The following ABCC6 variants were observed in gnomAD, a reference collection of about 807,000 sequenced individuals.
ABCC6 encodes the protein ATP-binding cassette sub-family C member 6.
A neutral mutation model predicts 169.5 loss-of-function variants in ABCC6; 126 were observed. That is an observed-to-expected ratio of 0.74 (90% confidence interval 0.64 to 0.86). The LOEUF (loss-of-function observed/expected upper bound fraction) is 0.86, where lower values mean the gene tolerates loss of function less well. Among genes scored for constraint, ABCC6 ranks in the 40% least tolerant of loss-of-function variants. The probability of loss-of-function intolerance (pLI) is 0.00; values close to 1 mark genes in which losing one functional copy is unlikely to be tolerated. For missense variants in ABCC6, 1,733 were observed against 1,927.2 expected, an observed-to-expected ratio of 0.90 and a Z score of 1.89; for synonymous variants, 752 against 814.7, an observed-to-expected ratio of 0.92 and a Z score of 1.31.
At chr16:16,154,477 A>G in intron 29 of ABCC6, 151 bp downstream of exon 29, 1 of 1,014,156 alleles carries the variant, frequency 9.9e-7, no homozygotes, top group Non-Finnish European at 1.4e-6. Context: ...ACTGTGTCAG[A>G]GCTTGGAATT....
At chr16:16,159,355 G>A in intron 26 of ABCC6, 127 bp downstream of exon 26, 1 of 894,430 alleles carries the variant, frequency 1.1e-6, no homozygotes. Context: ...ACCTATAGTG[G>A]TGGGGGTTGA....
intron 8 of ABCC6, among the ~76,000 whole-genome samples, chr16:16,202,827 A>G (rs2048286455): frequency 6.6e-6 from 1 of 152,224 alleles, no homozygotes; most frequent in African/African-American, 2.4e-5. Context: ...ACACCACTTG[A>G]ATCTGGGCTG....
Position 16,154,857 on chromosome 16 carries a change from C to T in ABCC6, c.4041+16G>A, listed in dbSNP as rs200252305. 2 of 1,611,678 alleles carry T rather than the reference C, an allele frequency of 1.2e-6. No homozygotes were observed. The highest frequency in any genetic ancestry group is 1.3e-5 in the African/African-American group (1 of 74,972). ...CCATGCCTCCCATCTTTGCCCACCC[C>T]CTCCACCAGCCTCACCTGGGGGATG... On this transcript the variant is annotated intron_variant, in intron 28 of 30. Transcript: ENST00000205557.
rs370805624 is a variant in ABCC6 at position 16,165,875 on chromosome 16, C to T, written c.3054G>A (p.Arg1018=). The change falls in exon 23 of 31, where the codon AGG becomes AGA. Residue 1018 remains arginine, a synonymous_variant. Transcript: ENST00000205557. ...AVLLGGARAS[R]LLFQRLLWDV... is the part of the protein sequence containing the mutation. ...CCCACAGGAGCCTCTGGAAGAGCAA[C>T]CTGGATGCCCGGGCCCCACCTAGGA... 1.1e-5 allele frequency: 18 copies of T among 1,613,236 alleles called. No individual in the cohort carries two copies. The highest frequency in any genetic ancestry group is 1.1e-4 in the South Asian group (10 of 91,080).
chr16:16,167,394 C>A, intron 22 of ABCC6, among the ~76,000 whole-genome samples: 1 of 152,154 alleles, frequency 6.6e-6, no homozygotes, highest in Non-Finnish European at 1.5e-5. Context: ...TCCAGCCATA[C>A]CTGAAGCCAG....
chr16:16,149,717 A>G lies in ABCC6; in HGVS notation c.*416T>C, dbSNP rs952592431. The G allele has an allele frequency of 1.2e-5, 4 of 344,274 alleles. No individual in the cohort carries two copies. Among genetic ancestry groups the G allele is most frequent in the Non-Finnish European group, 2.2e-5 (4 of 183,122 alleles). 21.3% of individuals were successfully genotyped at this position (344,274 alleles called of 1,614,324 possible). ...TCTATATTATTGTTTCTTTAACTGC[A>G]TGTGAGTCTGGGATTATCCCAAAAT... is the stretch of plus-strand genomic sequence containing the variant. On this transcript the variant is annotated 3_prime_UTR_variant, in exon 31 of 31. Coordinates refer to ENST00000205557, the MANE Select transcript of ABCC6 (RefSeq NM_001171.6).
In ABCC6 at chr16:16,150,792, T is replaced by A. The variant is rs1419756995; in HGVS notation, c.4209-20A>T. The A allele has an allele frequency of 6.2e-7, 1 of 1,612,310 alleles. No individual in the cohort carries two copies. Among genetic ancestry groups the A allele is most frequent in the Admixed American group, 1.7e-5 (1 of 59,802 alleles). On this transcript the variant is annotated intron_variant, in intron 29 of 30. Transcript: ENST00000205557. ...CCCACGCTGGGAACGATTGGGACAATTAGCTGGGACGTGCGTTTGTCGGCA... is the reference window on the plus strand; with the variant it reads ...CCCACGCTGGGAACGATTGGGACAAATAGCTGGGACGTGCGTTTGTCGGCA...
In ABCC6 at chr16:16,195,303, A is replaced by ATT. The variant is rs61393724; in HGVS notation, c.1339-2383_1339-2382dup. ...ATGGATATCTTGTTGGTCTCATCTA[A>ATT]TTTTTTTTTTTTTTTTTTTTTTTTT... On this transcript the variant is annotated intron_variant, in intron 10 of 30. Transcript: ENST00000205557. 3.7e-3 allele frequency among the ~76,000 whole-genome samples: 361 copies of ATT among 96,600 alleles called. 10 individuals are homozygous for ATT. Among genetic ancestry groups the ATT allele is most frequent in the African/African-American group, 0.011 (280 of 25,812 alleles). The allele number at this position is 96,600 out of a possible 152,430, so 63.4% of individuals were successfully genotyped here. A position where few individuals can be genotyped will look rare whatever the true frequency, so the allele number is the denominator to read the frequency against.
At chr16:16,212,948 C>T (rs1221770524) in intron 5 of ABCC6, among the ~76,000 whole-genome samples, 1 of 152,090 alleles carries the variant, frequency 6.6e-6, no homozygotes, top group Non-Finnish European at 1.5e-5. Context: ...TACTCTTTAC[C>T]AATAAGGCGT....
intron 10 of ABCC6, among the ~76,000 whole-genome samples, chr16:16,197,511 G>A (rs893961912): frequency 6.6e-6 from 1 of 150,922 alleles, no homozygotes; most frequent in African/African-American, 2.4e-5. Flanking sequence ...AGAGAGGGAG[G>A]ACGGTAGAGG....
At chr16:16,216,439 A>G (rs2048878254) in intron 4 of ABCC6, among the ~76,000 whole-genome samples, 1 of 149,582 alleles carries the variant, frequency 6.7e-6, no homozygotes, top group Admixed American at 6.7e-5. Context: ...ATAAGTGAGA[A>G]TATGTAAAGT....
chr16:16,187,041 G>GATGCTGGCTT (rs2152266171), intron 14 of ABCC6, 83 bp downstream of exon 14: 1 of 1,243,902 alleles, frequency 8.0e-7, no homozygotes. Context: ...CCCCAGTACT[G>GATGCTGGCTT]ATGCTGGCTT....
intron 22 of ABCC6, among the ~76,000 whole-genome samples, chr16:16,168,838 T>C (rs1737602036): frequency 1.3e-5 from 2 of 152,088 alleles, no homozygotes; most frequent in Admixed American, 6.5e-5. Context: ...CCCAACACTC[T>C]GGGAGGCCGA....
intron 24 of ABCC6, 38 bp from the exon 25 acceptor site, chr16:16,161,602 T>C: frequency 6.2e-7 from 1 of 1,613,370 alleles, no homozygotes; most frequent in Non-Finnish European, 8.5e-7. Context: ...GTGGTTACTC[T>C]CATCTGCAGG....
At chr16:16,221,234 T>A in intron 2 of ABCC6, 1 of 1,058,196 alleles carries the variant, frequency 9.5e-7, no homozygotes, top group Non-Finnish European at 1.2e-6. Context: ...GGTAAATACA[T>A]ATCACATATA....
At chr16:16,150,852 C>G in intron 29 of ABCC6, 80 bp from the exon 30 acceptor site, 1 of 1,565,136 alleles carries the variant, frequency 6.4e-7, no homozygotes, top group Non-Finnish European at 8.7e-7. Flanking sequence ...GAAACAGGTC[C>G]CTGAAGCAGT....
chr16:16,197,082 T>C (rs754646639), intron 10 of ABCC6, among the ~76,000 whole-genome samples: 12 of 152,260 alleles, frequency 7.9e-5, no homozygotes, highest in Non-Finnish European at 1.5e-4. Context: ...TTGTTTTGTT[T>C]GGTTGTTTCC....
At chr16:16,212,335 G>A in intron 5 of ABCC6, 89 bp from the exon 6 acceptor site, 1 of 1,041,384 alleles carries the variant, frequency 9.6e-7, no homozygotes, top group Non-Finnish European at 1.5e-6. Context: ...TCGAGACAGG[G>A]TTTCGCTCTG....
intron 23 of ABCC6, among the ~76,000 whole-genome samples, chr16:16,164,471 A>G (rs1018730360): frequency 6.6e-6 from 1 of 152,152 alleles, no homozygotes; most frequent in Non-Finnish European, 1.5e-5. Context: ...AGAATCTACT[A>G]TCCATTCAGT....
Sources: allele counts gnomAD v4.1 joint callset (sites outside exome capture counted in the v4.1 genomes callset), GRCh38; gene constraint gnomAD v4.1.1; transcripts MANE v1.5; gene names NCBI Gene and HGNC (gene_info 2026-07-23, HGNC 2026-07-21).